PSG6: variants seen among roughly 807,000 people sequenced by gnomAD.
The protein encoded by PSG6 is pregnancy-specific beta-1-glycoprotein 6.
In PSG6, 51 loss-of-function variants were observed where a neutral mutation model predicts 43.3. That is an observed-to-expected ratio of 1.18 (90% CI 0.94 to 1.49). PSG6 has a LOEUF of 1.49. Ranked by LOEUF, PSG6 falls within the 40% of genes most tolerant of loss-of-function variation. The probability of loss-of-function intolerance (pLI) is 0.00; values close to 1 mark genes in which losing one functional copy is unlikely to be tolerated. For synonymous variants in PSG6, 292 were observed against 197.6 expected, an observed-to-expected ratio of 1.48 and a Z score of -4.01; for missense variants, 770 against 522.2, an observed-to-expected ratio of 1.47 and a Z score of -4.62.
chr19:42,906,785 G>A, intron 5 of PSG6, 137 bp downstream of exon 5: 1 of 1,596,186 alleles, frequency 6.3e-7, no homozygotes, highest in Non-Finnish European at 8.6e-7. Context: ...AGTTGGGAGG[G>A]TTCAGGAGGA....
chr19:42,916,506 A>T lies in PSG6; in HGVS notation c.65-19T>A. ...AGTGATGCTAGGAGGTAGAGACAGC[A>T]TCAGTTAATATTTGGACCTATGTAT... On this transcript the variant is annotated intron_variant, in intron 1 of 5. Coordinates refer to ENST00000187910, the MANE Select transcript of PSG6 (RefSeq NM_001031850.4). 3 of 1,600,158 alleles carry T rather than the reference A, an allele frequency of 1.9e-6. No homozygotes were observed. Among genetic ancestry groups the T allele is most frequent in the Non-Finnish European group, 2.6e-6 (3 of 1,173,286 alleles).
intron 5 of PSG6, 136 bp downstream of exon 5, chr19:42,906,786 T>C (rs761067228): frequency 3.1e-6 from 5 of 1,595,816 alleles, no homozygotes; most frequent in Non-Finnish European, 4.3e-6. Context: ...GTTGGGAGGG[T>C]TCAGGAGGAG....
intron 2 of PSG6, chr19:42,915,784 C>A (rs189178308): frequency 3.1e-5 from 14 of 448,642 alleles, no homozygotes; most frequent in African/African-American, 2.8e-4. Context: ...CAGTGGGCCC[C>A]TCAGGCCAAG....
At chr19:42,913,203 T>A (rs1600547728) in intron 2 of PSG6, among the ~76,000 whole-genome samples, 1 of 151,504 alleles carries the variant, frequency 6.6e-6, no homozygotes. Flanking sequence ...TCACCCCAGC[T>A]GCAGTGGCAT....
At chr19:42,916,699 G>GT (rs1258288064) in intron 1 of PSG6, among the ~76,000 whole-genome samples, 1 of 130,954 alleles carries the variant, frequency 7.6e-6, no homozygotes, top group African/African-American at 2.9e-5. Context: ...TCAGCAGCAT[G>GT]ACCCCCATTC....
chr19:42,905,111 C>G (rs369828821), intron 5 of PSG6, among the ~76,000 whole-genome samples: 12 of 151,658 alleles, frequency 7.9e-5, no homozygotes, highest in African/African-American at 2.9e-4. Context: ...TACCTAACAC[C>G]ATGTACAAAA....
intron 3 of PSG6, chr19:42,909,735 C>T (rs2122631244): frequency 6.6e-6 from 1 of 151,682 alleles, no homozygotes; most frequent in African/African-American, 2.4e-5. Context: ...AGTGTATTGT[C>T]TAAAGAATGA....
At position 42,907,806 on chromosome 19, in the gene PSG6, TC is replaced by T. The variant is rs764570187; in HGVS notation, c.754del (p.Glu252ArgfsTer6). On this transcript the variant is annotated frameshift_variant, in exon 4 of 6. Coordinates refer to ENST00000187910, the MANE Select transcript of PSG6 (RefSeq NM_001031850.4). LOFTEE classifies it high-confidence loss of function. ...YITINNLNPR[E>X]KKDVLAFTCE... ...GGTGAAGGCTAACACATCCTTCTTCTCCCTGGGGTTTAAGTTGTTGATGGTG... is the reference window on the plus strand; with the variant it reads ...GGTGAAGGCTAACACATCCTTCTTCTCCTGGGGTTTAAGTTGTTGATGGTG... 1.9e-6 allele frequency: 3 copies of T among 1,611,460 alleles called. 1 individual carries two copies. Among genetic ancestry groups the T allele is most frequent in the Non-Finnish European group, 2.5e-6 (3 of 1,179,064 alleles).
At position 42,911,146 on chromosome 19, in the gene PSG6, C is replaced by T. The variant is rs534401081; in HGVS notation, c.428-288G>A. 4.1e-3 allele frequency among the ~76,000 whole-genome samples: 625 copies of T among 151,736 alleles called. 14 individuals carry two copies. The highest frequency in any genetic ancestry group is 7.1e-3 in the Non-Finnish European group (479 of 67,908). ...AGCAGTCACAGCCCCTGGTGCCTCT[C>T]TGAGTCCCTCCGTCTCCAACTGCCT... On this transcript the variant is annotated intron_variant, in intron 2 of 5. Coordinates refer to ENST00000187910, the MANE Select transcript of PSG6 (RefSeq NM_001031850.4).
chr19:42,905,634 G>A (rs977817288), intron 5 of PSG6, among the ~76,000 whole-genome samples: 3 of 151,654 alleles, frequency 2.0e-5, no homozygotes, highest in Non-Finnish European at 4.4e-5. Context: ...GTACAGAGAA[G>A]CATTACTCAC....
rs137875071 is a variant in PSG6, at chr19:42,909,389, G to T, written c.706+1191C>A. On this transcript the variant is annotated intron_variant, in intron 3 of 5. Coordinates refer to ENST00000187910, the MANE Select transcript of PSG6 (RefSeq NM_001031850.4). ...TCTTTTTCTCAGTGTTTGTGTTGTGGCAGTCATTAAGAAGAGCCTGTCAGC... is the reference window on the plus strand; with the variant it reads ...TCTTTTTCTCAGTGTTTGTGTTGTGTCAGTCATTAAGAAGAGCCTGTCAGC... Among the ~76,000 whole-genome samples, 1,157 of 151,552 alleles carry T rather than the reference G, an allele frequency of 7.6e-3. 26 individuals are homozygous for T. The highest frequency in any genetic ancestry group is 0.027 in the African/African-American group (1,116 of 41,306).
At chr19:42,906,622 A>G (rs1343796433) in intron 5 of PSG6, 1 of 1,368,920 alleles carries the variant, frequency 7.3e-7, no homozygotes, top group African/African-American at 1.5e-5. Context: ...AAGCAACTTG[A>G]TCTTGAGGAC....
Position 42,914,903 on chromosome 19 carries a change from G to A in PSG6, c.427+1222C>T, listed in dbSNP as rs528400355. On this transcript the variant is annotated intron_variant, in intron 2 of 5. Transcript: ENST00000187910. Reference sequence around the variant, plus strand: ...ACAGGATTTCACATTCAGTGATGGAGGTTAAGATCTGAGGGGGAGACCTGG... The same window carrying A: ...ACAGGATTTCACATTCAGTGATGGAAGTTAAGATCTGAGGGGGAGACCTGG... Among the ~76,000 whole-genome samples, 396 of 151,728 alleles carry A rather than the reference G, an allele frequency of 2.6e-3. 10 individuals are homozygous for A. Among genetic ancestry groups the A allele is most frequent in the Non-Finnish European group, 4.6e-3 (309 of 67,890 alleles).
chr19:42,908,676 AACTG>A (rs1972163767), intron 3 of PSG6, among the ~76,000 whole-genome samples: 1 of 151,706 alleles, frequency 6.6e-6, no homozygotes, highest in South Asian at 2.1e-4. Flanking sequence ...GCAAATGCAG[AACTG>A]AGTGGTGGAA....
chr19:42,907,258 C>T (rs890316710), intron 4 of PSG6, 82 bp from the exon 5 acceptor site: 3 of 1,544,194 alleles, frequency 1.9e-6, no homozygotes, highest in Non-Finnish European at 1.7e-6. Flanking sequence ...ACACAGTGAC[C>T]CTCTGAACCA....
chr19:42,907,456 G>T, intron 4 of PSG6, 120 bp downstream of exon 4: 1 of 1,544,032 alleles, frequency 6.5e-7, no homozygotes, highest in Non-Finnish European at 8.7e-7. Flanking sequence ...TCATGGCCAG[G>T]TCTGATGTCC....
At chr19:42,914,452 G>T (rs1446794466) in intron 2 of PSG6, among the ~76,000 whole-genome samples, 4 of 147,420 alleles carry the variant, frequency 2.7e-5, no homozygotes, top group African/African-American at 5.1e-5. Flanking sequence ...GAGAGGCAGA[G>T]ACACCATGGC....
rs144161671 is a variant in PSG6, at chr19:42,916,273, G to T, written c.279C>A (p.Ala93=). 2,403 of 1,612,080 alleles carry T rather than the reference G, an allele frequency of 1.5e-3. 47 individuals carry two copies. Among genetic ancestry groups the T allele is most frequent in the African/African-American group, 2.3e-3 (171 of 74,740 alleles). The change falls in exon 2 of 6, where the codon GCC becomes GCA. Residue 93 remains alanine, a synonymous_variant. Coordinates refer to ENST00000187910, the MANE Select transcript of PSG6 (RefSeq NM_001031850.4). ...VVHGQIIYGP[A]YSGRETVYSN... is the part of the protein sequence containing the mutation. ...AATATACTGTTTCTCGTCCACTGTA[G>T]GCAGGCCCATATATAATTTGACCGT...
chr19:42,905,113 T>A (rs370269603), intron 5 of PSG6, among the ~76,000 whole-genome samples: 1 of 151,592 alleles, frequency 6.6e-6, no homozygotes, highest in East Asian at 1.9e-4. Context: ...CCTAACACCA[T>A]GTACAAAAAT....
Sources: allele counts gnomAD v4.1 joint callset (sites outside exome capture counted in the v4.1 genomes callset), GRCh38; gene constraint gnomAD v4.1.1; transcripts MANE v1.5; gene names NCBI Gene and HGNC (gene_info 2026-07-23, HGNC 2026-07-21).